The following PRTFDC1 variants were observed in gnomAD, a reference collection of about 807,000 sequenced individuals.
The protein encoded by PRTFDC1 is phosphoribosyl transferase domain containing 1.
Under a neutral mutation model 34.6 loss-of-function variants are expected in PRTFDC1, and 38 were observed. The ratio of observed to expected loss-of-function variants is 1.10; its 90% CI spans 0.85 to 1.44. The LOEUF (loss-of-function observed/expected upper bound fraction) is 1.44. Ranked by LOEUF, PRTFDC1 falls within the 40% of genes most tolerant of loss-of-function variation. The pLI, the probability that PRTFDC1 is intolerant of heterozygous loss-of-function variation, is 0.00. For synonymous variants in PRTFDC1, 93 were observed against 98.1 expected, an observed-to-expected ratio of 0.95 and a Z score of 0.31; for missense variants, 270 against 283.0, an observed-to-expected ratio of 0.95 and a Z score of 0.33.
At chr10:24,903,922 C>G (rs1362656721) in intron 3 of PRTFDC1, among the ~76,000 whole-genome samples, 1 of 151,876 alleles carries the variant, frequency 6.6e-6, no homozygotes, top group African/African-American at 2.4e-5. Context: ...CTTCTGGGCT[C>G]AAGTGATTCT....
At chr10:24,917,678 CCAT>C (rs1848716242) in intron 3 of PRTFDC1, among the ~76,000 whole-genome samples, 1 of 152,170 alleles carries the variant, frequency 6.6e-6, no homozygotes, top group South Asian at 2.1e-4. Context: ...AGTTATGTGT[CCAT>C]CAGGGGGCAG....
At chr10:24,940,435 A>G (rs768378088) in intron 2 of PRTFDC1, among the ~76,000 whole-genome samples, 24 of 152,244 alleles carry the variant, frequency 1.6e-4, no homozygotes, top group Non-Finnish European at 2.6e-4. Context: ...CCTCTCTCCA[A>G]AGAAGGCTTA....
chr10:24,873,368 C>G (rs1416656801), intron 3 of PRTFDC1, among the ~76,000 whole-genome samples: 1 of 152,180 alleles, frequency 6.6e-6, no homozygotes, highest in Non-Finnish European at 1.5e-5. Context: ...GGAACCAAAG[C>G]CGATACATTC....
At chr10:24,917,014 A>G (rs1848706094) in intron 3 of PRTFDC1, among the ~76,000 whole-genome samples, 1 of 152,184 alleles carries the variant, frequency 6.6e-6, no homozygotes, top group Non-Finnish European at 1.5e-5. Context: ...GTATTCGAGG[A>G]TCCAGGCTCT....
intron 3 of PRTFDC1, among the ~76,000 whole-genome samples, chr10:24,874,372 G>T (rs956811723): frequency 6.6e-6 from 1 of 152,134 alleles, no homozygotes; most frequent in African/African-American, 2.4e-5. Context: ...AAATTTTCTT[G>T]TCACTGCTAG....
intron 3 of PRTFDC1, among the ~76,000 whole-genome samples, chr10:24,930,501 C>T (rs1848954523): frequency 6.6e-6 from 1 of 152,054 alleles, no homozygotes; most frequent in Non-Finnish European, 1.5e-5. Context: ...GCTGGCTTAG[C>T]CGGGTTAGGT....
chr10:24,920,390 G>T (rs996271496), intron 3 of PRTFDC1, among the ~76,000 whole-genome samples: 1 of 151,866 alleles, frequency 6.6e-6, no homozygotes, highest in Non-Finnish European at 1.5e-5. Context: ...CAGGAACATA[G>T]GTGGAGCTTG....
At chr10:24,870,877 G>A (rs917375832) in intron 4 of PRTFDC1, among the ~76,000 whole-genome samples, 8 of 151,806 alleles carry the variant, frequency 5.3e-5, no homozygotes, top group African/African-American at 1.2e-4. Context: ...TTTGAGACCC[G>A]CCTGGCCAAC....
chr10:24,856,865 G>C, intron 6 of PRTFDC1, 48 bp downstream of exon 6: 3 of 1,487,998 alleles, frequency 2.0e-6, no homozygotes, highest in East Asian at 2.3e-5. Flanking sequence ...TCCCTTTTGG[G>C]CTTGCTTGGA....
At chr10:24,942,252 T>C in intron 2 of PRTFDC1, 78 bp downstream of exon 2, 2 of 1,204,544 alleles carry the variant, frequency 1.7e-6, no homozygotes, top group Non-Finnish European at 2.5e-6. Flanking sequence ...AATAGGGTCC[T>C]AAAGTATATT....
chr10:24,879,504 C>T lies in PRTFDC1; in HGVS notation c.340-7441G>A, dbSNP rs141754006. Reference sequence around the variant, plus strand: ...GATTACAGGTGCGTGCCACCATGCCCGGCTGATTTTTTTGTATTTTTAGTA... The same window carrying T: ...GATTACAGGTGCGTGCCACCATGCCTGGCTGATTTTTTTGTATTTTTAGTA... On this transcript the variant is annotated intron_variant, in intron 3 of 8. Coordinates refer to ENST00000320152, the MANE Select transcript of PRTFDC1 (RefSeq NM_020200.7). 6.1e-4 allele frequency among the ~76,000 whole-genome samples: 93 copies of T among 152,106 alleles called. 3 individuals are homozygous for T. The East Asian group carries it at 0.016, about 26-fold the overall frequency.
At chr10:24,922,653 A>T (rs1848809543) in intron 3 of PRTFDC1, among the ~76,000 whole-genome samples, 1 of 152,230 alleles carries the variant, frequency 6.6e-6, no homozygotes, top group Admixed American at 6.5e-5. Flanking sequence ...CTGTGAGTCC[A>T]TTAAACCTCT....
intron 4 of PRTFDC1, among the ~76,000 whole-genome samples, chr10:24,866,698 G>A (rs886667031): frequency 3.3e-5 from 5 of 152,094 alleles, no homozygotes; most frequent in Non-Finnish European, 7.4e-5. Flanking sequence ...CTTAATCATT[G>A]AGGGCTCACT....
rs775585311 is a variant in PRTFDC1 at position 24,855,379 on chromosome 10, GAC to G, written c.507-17_507-16del. The G allele has an allele frequency of 5.0e-6, 8 of 1,613,646 alleles. No individual in the cohort carries two copies. In the African/African-American group the frequency reaches 1.1e-4, roughly 22 times the overall value. ...TCACCAACAAACTACCATTAAAAAAGACATGCTTTAGTGAACCCAATCAAATC... is the reference window on the plus strand; with the variant it reads ...TCACCAACAAACTACCATTAAAAAAGATGCTTTAGTGAACCCAATCAAATC... On this transcript the variant is annotated splice_polypyrimidine_tract_variant and intron_variant, in intron 6 of 8. Transcript: ENST00000320152.
At chr10:24,894,988 A>T (rs1172970643) in intron 3 of PRTFDC1, among the ~76,000 whole-genome samples, 1 of 152,172 alleles carries the variant, frequency 6.6e-6, no homozygotes, top group Admixed American at 6.5e-5. Context: ...CGAGTGGTTC[A>T]TGAAAGAAAA....
chr10:24,854,029 C>T (rs1847534842), intron 7 of PRTFDC1, among the ~76,000 whole-genome samples: 1 of 152,180 alleles, frequency 6.6e-6, no homozygotes, highest in Non-Finnish European at 1.5e-5. Flanking sequence ...ACAACAACAG[C>T]TCCTACCTTT....
chr10:24,858,308 C>A lies in PRTFDC1; in HGVS notation c.423+84G>T. ...AGTGGGAGCTCAAGAAATCCTTGGT[C>A]AATTTGATAACAAGGTTTACCGTTT... On this transcript the variant is annotated intron_variant, in intron 5 of 8. Coordinates refer to ENST00000320152, the MANE Select transcript of PRTFDC1 (RefSeq NM_020200.7). 3 of 1,476,684 alleles carry A rather than the reference C, an allele frequency of 2.0e-6. No individual in the cohort carries two copies. The South Asian group carries it at 3.5e-5, about 17-fold the overall frequency. 91.5% of individuals were successfully genotyped at this position (1,476,684 alleles called of 1,614,324 possible).
At chr10:24,923,239 A>G (rs1000511006) in intron 3 of PRTFDC1, among the ~76,000 whole-genome samples, 2 of 152,260 alleles carry the variant, frequency 1.3e-5, no homozygotes, top group Non-Finnish European at 1.5e-5. Flanking sequence ...AACAAAAGGC[A>G]GCAGTCAACT....
At position 24,934,674 on chromosome 10, in the gene PRTFDC1, G is replaced by T. The variant is rs1215862536; in HGVS notation, c.339+2510C>A. Among the ~76,000 whole-genome samples, 3 of 152,264 alleles carry T rather than the reference G, an allele frequency of 2.0e-5. No homozygotes were observed. In the East Asian group the frequency reaches 5.8e-4, roughly 29 times the overall value. ...TTAATCTACCCATGATCTGGAAGCT[G>T]CCGCTTCTAGTTGTCCCACATTTCC... On this transcript the variant is annotated intron_variant, in intron 3 of 8. Transcript: ENST00000320152.
Sources: allele counts gnomAD v4.1 joint callset (sites outside exome capture counted in the v4.1 genomes callset), GRCh38; gene constraint gnomAD v4.1.1; transcripts MANE v1.5; gene names NCBI Gene and HGNC (gene_info 2026-07-23, HGNC 2026-07-21).